Variants in CPEB1 observed in about 807,000 individuals in gnomAD.
The protein encoded by CPEB1 is cytoplasmic polyadenylation element-binding protein 1.
CPEB1 carries 7 observed loss-of-function variants against 65.8 expected under a neutral mutation model. The ratio of observed to expected loss-of-function variants is 0.11; its 90% CI spans 0.06 to 0.20. The LOEUF is 0.20. Among genes scored for constraint, CPEB1 ranks in the 10% least tolerant of loss-of-function variants. CPEB1 has a pLI of 1.00. For missense variants in CPEB1, 551 were observed against 712.2 expected, an observed-to-expected ratio of 0.77 and a Z score of 2.58; for synonymous variants, 262 against 260.0, an observed-to-expected ratio of 1.01 and a Z score of -0.08.
At chr15:82,609,469 C>A (rs1235194769) in intron 3 of CPEB1, among the ~76,000 whole-genome samples, 1 of 151,642 alleles carries the variant, frequency 6.6e-6, no homozygotes, top group Non-Finnish European at 1.5e-5. Flanking sequence ...CCACTGCACT[C>A]CAGCCTGGGC....
intron 5 of CPEB1, among the ~76,000 whole-genome samples, chr15:82,556,999 C>T (rs2037324625): frequency 6.6e-6 from 1 of 152,162 alleles, no homozygotes; most frequent in Non-Finnish European, 1.5e-5. Context: ...GATTTGGCAA[C>T]AAAAATGCTT....
chr15:82,587,230 C>A (rs554850340), intron 3 of CPEB1, among the ~76,000 whole-genome samples: 1 of 152,244 alleles, frequency 6.6e-6, no homozygotes, highest in East Asian at 1.9e-4. Flanking sequence ...GACTCTCCAA[C>A]TGCTGAGACA....
intron 3 of CPEB1, among the ~76,000 whole-genome samples, chr15:82,612,501 A>AC (rs1315064457): frequency 5.8e-5 from 7 of 121,516 alleles, no homozygotes; most frequent in East Asian, 5.1e-4. Context: ...TGTCCAAAAA[A>AC]AAAAAAACAA....
At chr15:82,575,887 G>C (rs1252851424) in intron 3 of CPEB1, among the ~76,000 whole-genome samples, 1 of 152,146 alleles carries the variant, frequency 6.6e-6, no homozygotes, top group Non-Finnish European at 1.5e-5. Context: ...TTTTCAATGG[G>C]AGAAAAGGTA....
At chr15:82,582,655 A>ATCAT (rs1164825517) in intron 3 of CPEB1, among the ~76,000 whole-genome samples, 2 of 151,320 alleles carry the variant, frequency 1.3e-5, no homozygotes, top group African/African-American at 4.9e-5. Context: ...GACCTGTTTT[A>ATCAT]TCATTAAGTT....
Position 82,571,477 on chromosome 15 carries a change from C to T in CPEB1, c.327G>A (p.Ala109=), listed in dbSNP as rs749124573. 64 of 1,613,980 alleles carry T rather than the reference C, an allele frequency of 4.0e-5. No individual in the cohort carries two copies. Among genetic ancestry groups the T allele is most frequent in the Non-Finnish European group, 5.2e-5 (61 of 1,180,018 alleles). ...VTSRMLFPTS[A]QESSRGLPDA... Reference sequence around the variant, plus strand: ...CTGGGAGGCCACGGGAAGATTCTTGCGCAGAGGTTGGGAAAAGCATCCTGC... The same window carrying T: ...CTGGGAGGCCACGGGAAGATTCTTGTGCAGAGGTTGGGAAAAGCATCCTGC... Residue 109 remains alanine (A), a synonymous_variant, in exon 4 of 13, where the codon GCG becomes GCA. Transcript: ENST00000684509.
Position 82,627,199 on chromosome 15 carries a change from A to G in CPEB1, c.265T>C (p.Leu89=). ...GTTTTCAAACCTAAATCACCTGGCA[A>G]ATGATCATGAATTCCTCGGTTTATA... ...TPINRGIHDH[L]PDFQDSEETV... Residue 89 remains leucine, a synonymous_variant, in exon 3 of 13, where the codon TTG becomes CTG. Coordinates refer to ENST00000684509, the MANE Select transcript of CPEB1 (RefSeq NM_001365242.1). 6.2e-7 allele frequency: 1 copy of G among 1,610,238 alleles called. No individual in the cohort carries two copies. The highest frequency in any genetic ancestry group is 8.5e-7 in the Non-Finnish European group (1 of 1,178,224).
intron 3 of CPEB1, among the ~76,000 whole-genome samples, chr15:82,580,371 CCT>C (rs2041161774): frequency 6.6e-6 from 1 of 151,520 alleles, no homozygotes; most frequent in East Asian, 1.9e-4. Context: ...AAAGTTTCCC[CCT>C]GTTAAAGAAC....
At chr15:82,582,099 C>T (rs2041336009) in intron 3 of CPEB1, among the ~76,000 whole-genome samples, 1 of 152,192 alleles carries the variant, frequency 6.6e-6, no homozygotes, top group Non-Finnish European at 1.5e-5. Context: ...ATGAAACTCA[C>T]ACTGGGAAAT....
chr15:82,618,139 A>G, intron 3 of CPEB1, among the ~76,000 whole-genome samples: 1 of 151,926 alleles, frequency 6.6e-6, no homozygotes, highest in Non-Finnish European at 1.5e-5. Flanking sequence ...GTAGGTAAAC[A>G]TTTAACCTTT....
chr15:82,586,071 T>G (rs1705317001), intron 3 of CPEB1, among the ~76,000 whole-genome samples: 1 of 152,116 alleles, frequency 6.6e-6, no homozygotes, highest in Non-Finnish European at 1.5e-5. Flanking sequence ...GTGAGCAAGG[T>G]GCTAGGAAGG....
intron 3 of CPEB1, among the ~76,000 whole-genome samples, chr15:82,609,022 AAGTC>A (rs1282069507): frequency 1.3e-5 from 2 of 152,218 alleles, no homozygotes; most frequent in Non-Finnish European, 2.9e-5. Flanking sequence ...ACAGAATTAG[AAGTC>A]AGTAACAGAA....
intron 4 of CPEB1, 115 bp downstream of exon 4, chr15:82,571,229 G>T: frequency 1.5e-6 from 2 of 1,321,782 alleles, no homozygotes; most frequent in South Asian, 1.5e-5. Context: ...CATGTTGTAT[G>T]TGTGTATGGT....
intron 3 of CPEB1, among the ~76,000 whole-genome samples, chr15:82,614,932 CCA>C (rs1471140435): frequency 6.7e-6 from 1 of 149,396 alleles, no homozygotes; most frequent in East Asian, 2.0e-4. Flanking sequence ...CTTTATATAC[CCA>C]CACTATCACA....
intron 1 of CPEB1, among the ~76,000 whole-genome samples, chr15:82,634,879 A>C (rs1296542883): frequency 6.6e-6 from 1 of 152,122 alleles, no homozygotes; most frequent in Non-Finnish European, 1.5e-5. Flanking sequence ...TATTTTTGAA[A>C]CAGAGTCTCG....
intron 1 of CPEB1, among the ~76,000 whole-genome samples, chr15:82,643,657 GA>G (rs34214467): frequency 0.46 from 68,582 of 149,414 alleles, 16,610 homozygotes; most frequent in Non-Finnish European, 0.55. Context: ...TGAAATATAG[GA>G]AAAAAAAAAT....
At chr15:82,643,490 G>A (rs1463837901) in intron 1 of CPEB1, among the ~76,000 whole-genome samples, 2 of 151,976 alleles carry the variant, frequency 1.3e-5, no homozygotes, top group African/African-American at 2.4e-5. Context: ...TTAGCCGGGC[G>A]TGGTGGCGCG....
intron 3 of CPEB1, among the ~76,000 whole-genome samples, chr15:82,608,763 G>GAATTT (rs71455406): frequency 1.3e-5 from 2 of 151,316 alleles, no homozygotes; most frequent in African/African-American, 4.9e-5. Context: ...CCTGATCATT[G>GAATTT]ATTTTATTTT....
chr15:82,549,330 ATGG>A (rs769375892), intron 10 of CPEB1, 127 bp downstream of exon 10: 151 of 817,302 alleles, frequency 1.8e-4, no homozygotes, highest in Non-Finnish European at 2.7e-4. Flanking sequence ...AAAAGATATT[ATGG>A]TGCTGGTATA....
Sources: gnomAD v4.1 joint callset for allele counts (sites outside exome capture counted in the v4.1 genomes callset) on GRCh38, gnomAD v4.1.1 for gene constraint, MANE v1.5 for transcripts, NCBI Gene and HGNC (gene_info 2026-07-23, HGNC 2026-07-21) for gene names.